Variants in IQUB observed in about 807,000 individuals in gnomAD.
IQUB encodes IQ motif and ubiquitin domain containing.
IQUB carries 86 observed loss-of-function variants against 86.4 expected under a neutral mutation model. The observed-to-expected ratio is 1.00, with a 90% confidence interval of 0.84 to 1.19. The LOEUF (loss-of-function observed/expected upper bound fraction) is 1.19, where lower values mean the gene tolerates loss of function less well. Among genes scored for constraint, IQUB ranks in the 50% most tolerant of loss-of-function variants. The probability of loss-of-function intolerance (pLI) is 0.00; values close to 1 mark genes in which losing one functional copy is unlikely to be tolerated. For synonymous variants in IQUB, 289 were observed against 304.5 expected, an observed-to-expected ratio of 0.95 and a Z score of 0.53; for missense variants, 946 against 916.9, an observed-to-expected ratio of 1.03 and a Z score of -0.41.
Position 123,496,699 on chromosome 7 carries a change from C to T in IQUB, c.1231G>A (p.Glu411Lys). 1 of 1,581,642 alleles carries T rather than the reference C, an allele frequency of 6.3e-7. No individual in the cohort carries two copies. The highest frequency in any genetic ancestry group is 1.1e-5 in the South Asian group (1 of 87,546). ...GCAAAGCCTGTGTCCAACTTACATT[C>T]TAATGCATTATAAAGAAATTCAAAA... ...EDFEFLYNAL[E>K]FWRQEELTRI... Residue 411 changes from glutamate to lysine, a missense_variant, in exon 7 of 13, where the codon GAA becomes AAA. Glu to Lys is a moderately conservative substitution (Grantham distance 56). Transcript: ENST00000324698.
chr7:123,527,254 G>C (rs987295395), intron 1 of IQUB, among the ~76,000 whole-genome samples: 1 of 151,996 alleles, frequency 6.6e-6, no homozygotes, highest in South Asian at 2.1e-4. Context: ...TTTGCCTTTG[G>C]TTTGAATTTC....
At position 123,510,906 on chromosome 7, in the gene IQUB, A is replaced by AT. The variant is rs530297271; in HGVS notation, c.398-872_398-871insA. Among the ~76,000 whole-genome samples the AT allele has an allele frequency of 3.8e-3, 584 of 152,242 alleles. 5 individuals are homozygous for AT. Among genetic ancestry groups the AT allele is most frequent in the African/African-American group, 0.013 (560 of 41,558 alleles). On this transcript the variant is annotated intron_variant, in intron 2 of 12. Transcript: ENST00000324698. Reference sequence around the variant, plus strand: ...AGTAGTGACTTCTTAAGCTTTGGGAAGGGGAAATGTGTCAAGGGATTTGTG... The same window carrying AT: ...AGTAGTGACTTCTTAAGCTTTGGGAATGGGGAAATGTGTCAAGGGATTTGTG...
intron 1 of IQUB, among the ~76,000 whole-genome samples, chr7:123,520,664 A>C (rs1349863629): frequency 1.3e-5 from 2 of 152,084 alleles, no homozygotes; most frequent in Admixed American, 1.3e-4. Flanking sequence ...GAAGCTAGAG[A>C]CGAGGTTGTG....
rs112172900 is a variant in IQUB, at chr7:123,480,026, C to A, written c.1235-56G>T. ...TTTTAAAAATCCCATCTTGAATGAT[C>A]ACATCCTGATGAGGAGTATTTTATT... On this transcript the variant is annotated intron_variant, in intron 7 of 12. Coordinates refer to ENST00000324698, the MANE Select transcript of IQUB (RefSeq NM_178827.5). 7.6e-4 allele frequency: 992 copies of A among 1,307,454 alleles called. 9 individuals carry two copies. In the African/African-American group the frequency reaches 0.013, roughly 17 times the overall value. The allele number at this position is 1,307,454 out of a possible 1,614,324, so 81.0% of individuals were successfully genotyped here. A position where few individuals can be genotyped will look rare whatever the true frequency, so the allele number is the denominator to read the frequency against.
chr7:123,513,124 T>C (rs986294429), intron 1 of IQUB, among the ~76,000 whole-genome samples: 1 of 152,062 alleles, frequency 6.6e-6, no homozygotes, highest in Non-Finnish European at 1.5e-5. Context: ...CTTGAAACAG[T>C]AGTGAGGTGG....
chr7:123,522,013 G>T (rs1168972874), intron 1 of IQUB, among the ~76,000 whole-genome samples: 1 of 152,120 alleles, frequency 6.6e-6, no homozygotes, highest in Non-Finnish European at 1.5e-5. Flanking sequence ...ACAACTTCTT[G>T]TTGAAAGAAG....
At chr7:123,514,591 A>G (rs1352277960) in intron 1 of IQUB, among the ~76,000 whole-genome samples, 1 of 152,186 alleles carries the variant, frequency 6.6e-6, no homozygotes. Flanking sequence ...CACTGTTTAT[A>G]ATTTGTTTAT....
In IQUB at chr7:123,503,099, G is replaced by A. The variant is rs1317638240; in HGVS notation, c.712C>T (p.Gln238Ter). The change falls in exon 5 of 13, where the codon CAG becomes TAG. Residue 238 changes from glutamine to a stop codon, truncating the protein, a stop_gained. Transcript: ENST00000324698. LOFTEE classifies it high-confidence loss of function. ...TVQTGLDQYQ[Q>*]VPVEIVKSDF... ...GATTTGACAATCTCAACAGGTACCT[G>A]CTGGTATTGATCAAGTCCTGAGAGA... 9 of 1,612,806 alleles carry A rather than the reference G, an allele frequency of 5.6e-6. No homozygotes were observed. The highest frequency in any genetic ancestry group is 6.8e-6 in the Non-Finnish European group (8 of 1,179,472).
Position 123,461,531 on chromosome 7 carries a change from T to C in IQUB, c.1833A>G (p.Thr611=), listed in dbSNP as rs1204183444. ...CHSCQLYLPS[T]EFSVSSTSRR... ...GTGAGGTGGATGATACAGAAAATTC[T>C]GTAGAAGGCAAATAAAGCTGGCAAC... Residue 611 remains threonine, a synonymous_variant, in exon 11 of 13, where the codon ACA becomes ACG. Coordinates refer to ENST00000324698, the MANE Select transcript of IQUB (RefSeq NM_178827.5). 3.1e-6 allele frequency: 5 copies of C among 1,612,070 alleles called. No individual in the cohort carries two copies. The highest frequency in any genetic ancestry group is 3.4e-6 in the Non-Finnish European group (4 of 1,178,874).
chr7:123,468,082 G>A (rs1413249882), intron 9 of IQUB, among the ~76,000 whole-genome samples: 1 of 152,150 alleles, frequency 6.6e-6, no homozygotes, highest in Non-Finnish European at 1.5e-5. Flanking sequence ...CAGGTAATGG[G>A]CATTTCTTGG....
rs1793451853 is a variant in IQUB, at chr7:123,452,210, T to G, written c.*533A>C. Reference sequence around the variant, plus strand: ...TTTATAAATAGTTTCAAGTGTTGTTTTATTGGGATTATGAGAAGGATGGAA... The same window carrying G: ...TTTATAAATAGTTTCAAGTGTTGTTGTATTGGGATTATGAGAAGGATGGAA... On this transcript the variant is annotated 3_prime_UTR_variant, in exon 13 of 13. Coordinates refer to ENST00000324698, the MANE Select transcript of IQUB (RefSeq NM_178827.5). Among the ~76,000 whole-genome samples the G allele has an allele frequency of 6.6e-6, 1 of 152,196 alleles. No homozygotes were observed. The highest frequency in any genetic ancestry group is 1.5e-5 in the Non-Finnish European group (1 of 68,040).
intron 12 of IQUB, among the ~76,000 whole-genome samples, chr7:123,453,380 T>G (rs1305376166): frequency 1.4e-5 from 2 of 147,570 alleles, no homozygotes; most frequent in Non-Finnish European, 3.0e-5. Flanking sequence ...AAGAAGAATC[T>G]AAGGAGATAA....
intron 1 of IQUB, among the ~76,000 whole-genome samples, chr7:123,523,576 T>C (rs984873378): frequency 1.1e-4 from 17 of 152,058 alleles, no homozygotes; most frequent in African/African-American, 3.9e-4. Context: ...TAAATTTGTT[T>C]GAGTTCATTG....
rs548438271 is a variant in IQUB, at chr7:123,480,057, A to G, written c.1235-87T>C. The G allele has an allele frequency of 7.7e-5, 78 of 1,006,502 alleles. No homozygotes were observed. The Admixed American group carries it at 2.0e-3, about 26-fold the overall frequency. The allele number at this position is 1,006,502 out of a possible 1,614,324, so 62.3% of individuals were successfully genotyped here. On this transcript the variant is annotated intron_variant, in intron 7 of 12. Coordinates refer to ENST00000324698, the MANE Select transcript of IQUB (RefSeq NM_178827.5). Reference sequence around the variant, plus strand: ...CTGATGAGGAGTATTTTATTTTTACATCAATTTAAACAAAAGTATACACAG... The same window carrying G: ...CTGATGAGGAGTATTTTATTTTTACGTCAATTTAAACAAAAGTATACACAG...
chr7:123,455,300 G>A lies in IQUB; in HGVS notation c.2193+2081C>T, dbSNP rs560081721. Among the ~76,000 whole-genome samples, 76 of 152,084 alleles carry A rather than the reference G, an allele frequency of 5.0e-4. 1 individual carries two copies. Among genetic ancestry groups the A allele is most frequent in the African/African-American group, 1.8e-3 (75 of 41,498 alleles). On this transcript the variant is annotated intron_variant, in intron 12 of 12. Transcript: ENST00000324698. ...TGTAATTAACTATAGACAACCTACA[G>A]TGCCACAGAACAGTACTAGAACTCA...
rs770830660 is a variant in IQUB at position 123,457,438 on chromosome 7, G to A, written c.2136C>T (p.Cys712=). The change falls in exon 12 of 13, where the codon TGC becomes TGT. Residue 712 remains cysteine, a synonymous_variant. Transcript: ENST00000324698. ...NKSLEWSPWN[C]ILLTKDEAAA... is the part of the protein sequence containing the mutation. ...CTGCTTCATCTTTGGTAAGAAGAAT[G>A]CAGTTCCAGGGGGACCACTCCAGGG... 6 of 1,612,496 alleles carry A rather than the reference G, an allele frequency of 3.7e-6. No homozygotes were observed. The highest frequency in any genetic ancestry group is 5.1e-6 in the Non-Finnish European group (6 of 1,179,068).
chr7:123,480,372 C>T (rs1194841067), intron 7 of IQUB, among the ~76,000 whole-genome samples: 8 of 152,110 alleles, frequency 5.3e-5, no homozygotes, highest in Non-Finnish European at 8.8e-5. Context: ...GATCTGCTGC[C>T]TTGTTGAAGC....
At chr7:123,457,715 T>C in intron 11 of IQUB, 149 bp from the exon 12 acceptor site, 2 of 635,380 alleles carry the variant, frequency 3.1e-6, no homozygotes, top group Admixed American at 3.5e-5. Context: ...TATTTTTCAC[T>C]AAACTTCTGT....
Position 123,461,482 on chromosome 7 carries a change from A to G in IQUB, c.1882T>C (p.Cys628Arg). The change falls in exon 11 of 13, where the codon TGC becomes CGC. Residue 628 changes from cysteine (C) to arginine (R), a missense_variant. By Grantham distance (180) the Cys-to-Arg change is radical (BLOSUM62 -3). Transcript: ENST00000324698. Reference protein sequence around the residue: ...TSRRIYRCRNCINLQNEAQKR... With the variant: ...TSRRIYRCRNRINLQNEAQKR... ...TGAGCCTCATTCTGAAGGTTAATGC[A>G]GTTACGACACCGGTATATGCGGCGT... The G allele has an allele frequency of 6.2e-7, 1 of 1,612,584 alleles. No individual in the cohort carries two copies. Among genetic ancestry groups the G allele is most frequent in the Non-Finnish European group, 8.5e-7 (1 of 1,179,040 alleles).
Sources: allele counts gnomAD v4.1 joint callset (sites outside exome capture counted in the v4.1 genomes callset), GRCh38; gene constraint gnomAD v4.1.1; transcripts MANE v1.5; gene names NCBI Gene and HGNC (gene_info 2026-07-23, HGNC 2026-07-21).